Variants in FUT8 observed in about 807,000 individuals in gnomAD.
FUT8 encodes fucosyltransferase 8.
Under a neutral mutation model 71.3 loss-of-function variants are expected in FUT8, and 29 were observed. The ratio of observed to expected loss-of-function variants is 0.41; its 90% confidence interval spans 0.30 to 0.55. The LOEUF is 0.55. FUT8 is among the 20% of genes least tolerant of loss of function. The probability of loss-of-function intolerance (pLI) is 0.34; values close to 1 mark genes in which losing one functional copy is unlikely to be tolerated. For missense variants in FUT8, 544 were observed against 702.1 expected (o/e 0.77, Z 2.55); for synonymous variants, 254 against 239.3 (o/e 1.06, Z -0.57).
chr14:65,648,399 C>G (rs1891213074), intron 6 of FUT8, among the ~76,000 whole-genome samples: 2 of 152,042 alleles, frequency 1.3e-5, no homozygotes, highest in Non-Finnish European at 1.5e-5. Context: ...CTTTGTCTGC[C>G]TCCTGTTGAG....
intron 1 of FUT8, among the ~76,000 whole-genome samples, chr14:65,422,831 T>C (rs1036270353): frequency 6.6e-6 from 1 of 151,858 alleles, no homozygotes; most frequent in Non-Finnish European, 1.5e-5. Context: ...AAAATGTTTT[T>C]TGTAGAGGCA....
intron 2 of FUT8, among the ~76,000 whole-genome samples, chr14:65,526,895 C>G (rs1253852154): frequency 6.6e-6 from 1 of 152,232 alleles, no homozygotes. Flanking sequence ...TTGGCCCCCA[C>G]TCTCTTCTGG....
chr14:65,360,073 C>T, the FUT8 span, among the ~76,000 whole-genome samples: 8 of 152,240 alleles, frequency 5.3e-5, no homozygotes, highest in African/African-American at 1.4e-4. Context: ...CCTCATGATC[C>T]GTCCGCCTCA....
intron 2 of FUT8, among the ~76,000 whole-genome samples, chr14:65,507,488 T>A (rs1302338695): frequency 6.6e-6 from 1 of 152,158 alleles, no homozygotes; most frequent in Admixed American, 6.5e-5. Flanking sequence ...CTAGTAACCA[T>A]CCTTCTTTTT....
chr14:65,360,656 A>G, the FUT8 span, among the ~76,000 whole-genome samples: 1 of 152,240 alleles, frequency 6.6e-6, no homozygotes, highest in South Asian at 2.1e-4. Flanking sequence ...GTTGATAACC[A>G]TGTGACCTGG....
intron 3 of FUT8, among the ~76,000 whole-genome samples, chr14:65,586,817 T>C (rs912699452): frequency 2.6e-5 from 4 of 152,336 alleles, no homozygotes; most frequent in African/African-American, 9.6e-5. Flanking sequence ...TTTCCTCTAA[T>C]TTTGTAAAAG....
upstream of FUT8, among the ~76,000 whole-genome samples, chr14:65,407,476 A>T (rs985956143): frequency 6.6e-6 from 1 of 152,104 alleles, no homozygotes; most frequent in Non-Finnish European, 1.5e-5. Context: ...CAATATATTT[A>T]AAAAAATAGA....
At chr14:65,448,014 A>G (rs2065768340) in intron 1 of FUT8, among the ~76,000 whole-genome samples, 1 of 152,208 alleles carries the variant, frequency 6.6e-6, no homozygotes, top group Non-Finnish European at 1.5e-5. Flanking sequence ...TGGTATTTTT[A>G]TAAAGGCACA....
At chr14:65,453,091 C>G (rs2065850720) in intron 1 of FUT8, among the ~76,000 whole-genome samples, 1 of 151,504 alleles carries the variant, frequency 6.6e-6, no homozygotes, top group Non-Finnish European at 1.5e-5. Flanking sequence ...AAATAAGACA[C>G]TGTAAATTGT....
rs1178982112 is a variant in FUT8, at chr14:65,692,113, T to C, written c.835+22633T>C. 1.0e-3 allele frequency among the ~76,000 whole-genome samples: 156 copies of C among 152,016 alleles called. 5 individuals carry two copies. Among genetic ancestry groups the C allele is most frequent in the Non-Finnish European group, 9.9e-4 (67 of 67,966 alleles). On this transcript the variant is annotated intron_variant, in intron 7 of 10. Coordinates refer to ENST00000673929, the MANE Select transcript of FUT8 (RefSeq NM_001371533.1). ...TCATGGCCCGTTCTCAATGAGCTGT[T>C]GGGTACACCTCCCAGACCGGGTGGT... is the stretch of plus-strand genomic sequence containing the variant.
chr14:65,547,896 G>A (rs1885064938), intron 2 of FUT8, among the ~76,000 whole-genome samples: 1 of 151,890 alleles, frequency 6.6e-6, no homozygotes, highest in South Asian at 2.1e-4. Flanking sequence ...ACTACATTTG[G>A]ATTTCAGCAG....
At chr14:65,670,757 G>C (rs1392175295) in intron 7 of FUT8, among the ~76,000 whole-genome samples, 1 of 152,082 alleles carries the variant, frequency 6.6e-6, no homozygotes, top group Non-Finnish European at 1.5e-5. Context: ...ACTCTTTGCA[G>C]AAGTGTCATG....
intron 2 of FUT8, among the ~76,000 whole-genome samples, chr14:65,471,482 T>A (rs936773427): frequency 1.3e-5 from 2 of 152,140 alleles, no homozygotes. Flanking sequence ...GTAGGGCTCC[T>A]GGAGGTAAAA....
At chr14:65,686,438 C>A (rs1005270421) in intron 7 of FUT8, among the ~76,000 whole-genome samples, 2 of 152,094 alleles carry the variant, frequency 1.3e-5, no homozygotes, top group Non-Finnish European at 2.9e-5. Context: ...AAAGAAAGCA[C>A]CCATTATCAT....
intron 6 of FUT8, among the ~76,000 whole-genome samples, chr14:65,653,132 C>A (rs1291398270): frequency 6.6e-6 from 1 of 152,036 alleles, no homozygotes; most frequent in African/African-American, 2.4e-5. Flanking sequence ...TCATGAGCCC[C>A]ACTAGGTAGA....
chr14:65,597,460 A>G lies in FUT8; in HGVS notation c.204-18518A>G, dbSNP rs376748573. Among the ~76,000 whole-genome samples, 23 of 152,074 alleles carry G rather than the reference A, an allele frequency of 1.5e-4. No homozygotes were observed. The East Asian group carries it at 4.3e-3, about 28-fold the overall frequency. On this transcript the variant is annotated intron_variant, in intron 3 of 10. Coordinates refer to ENST00000673929, the MANE Select transcript of FUT8 (RefSeq NM_001371533.1). ...TGGCTAGTGAAACCCCGTCTCTACT[A>G]AAAATACAAAAAATTAGCCGGGCAT...
intron 2 of FUT8, among the ~76,000 whole-genome samples, chr14:65,508,482 G>A (rs1052333105): frequency 3.9e-4 from 43 of 109,434 alleles, no homozygotes; most frequent in Non-Finnish European, 7.7e-4. Context: ...TTCCTGTAGA[G>A]TTGTTTGAGT....
intron 6 of FUT8, among the ~76,000 whole-genome samples, chr14:65,647,252 T>C (rs1891164244): frequency 6.6e-6 from 1 of 152,206 alleles, no homozygotes; most frequent in Non-Finnish European, 1.5e-5. Flanking sequence ...AGCAGGTGTT[T>C]CTTCTTGTTC....
chr14:65,556,089 G>T (rs1192348031), intron 2 of FUT8, among the ~76,000 whole-genome samples: 1 of 152,136 alleles, frequency 6.6e-6, no homozygotes, highest in African/African-American at 2.4e-5. Context: ...TGAAGATCAG[G>T]CTTTTAACCT....
Sources: gnomAD v4.1 joint callset for allele counts (sites outside exome capture counted in the v4.1 genomes callset) on GRCh38, gnomAD v4.1.1 for gene constraint, MANE v1.5 for transcripts, NCBI Gene and HGNC (gene_info 2026-07-23, HGNC 2026-07-21) for gene names.